The following MGAT4C variants were observed in gnomAD, a reference collection of about 807,000 sequenced individuals.
The protein encoded by MGAT4C is MGAT4 family member C, also known as alpha-1,3-mannosyl-glycoprotein 4-beta-N-acetylglucosaminyltransferase C.
A neutral mutation model predicts 40.1 loss-of-function variants in MGAT4C; 19 were observed. That is an observed-to-expected ratio of 0.47 (90% CI 0.33 to 0.70). The LOEUF is 0.70. Ranked by LOEUF, MGAT4C falls within the 30% of genes least tolerant of loss-of-function variation. The probability of loss-of-function intolerance (pLI) is 0.02; values close to 1 mark genes in which losing one functional copy is unlikely to be tolerated. For synonymous variants in MGAT4C, 181 were observed against 187.1 expected (o/e 0.97, Z 0.27); for missense variants, 491 against 563.2 (o/e 0.87, Z 1.30).
At chr12:86,017,709 A>G (rs544292274) in intron 2 of MGAT4C, among the ~76,000 whole-genome samples, 1 of 152,266 alleles carries the variant, frequency 6.6e-6, no homozygotes, top group African/African-American at 2.4e-5. Flanking sequence ...CACGCAATTT[A>G]GGGACAGATA....
chr12:86,817,867 A>G (rs1952634487), intron 1 of MGAT4C, among the ~76,000 whole-genome samples: 1 of 151,470 alleles, frequency 6.6e-6, no homozygotes, highest in African/African-American at 2.4e-5. Context: ...GTACACTAGG[A>G]TAGAGTGTGG....
At chr12:86,344,375 A>G (rs1057230303) in intron 3 of MGAT4C, among the ~76,000 whole-genome samples, 1 of 152,194 alleles carries the variant, frequency 6.6e-6, no homozygotes, top group Non-Finnish European at 1.5e-5. Context: ...GCGCTGAAGA[A>G]CTAAATAGAC....
intron 1 of MGAT4C, among the ~76,000 whole-genome samples, chr12:86,245,743 A>G (rs1951998515): frequency 6.6e-6 from 1 of 152,180 alleles, no homozygotes; most frequent in African/African-American, 2.4e-5. Context: ...TTTTCAAACT[A>G]TTTTGGAAAG....
intron 1 of MGAT4C, among the ~76,000 whole-genome samples, chr12:86,206,912 A>T (rs1450615972): frequency 6.6e-6 from 1 of 152,158 alleles, no homozygotes; most frequent in Non-Finnish European, 1.5e-5. Flanking sequence ...CTTCCTTTTT[A>T]ATAAACATTT....
rs1404346957 is a variant in MGAT4C, at chr12:86,307,112, T to C, written c.-57+26953A>G. On this transcript the variant is annotated intron_variant, in intron 4 of 7. Coordinates refer to the MGAT4C transcript ENST00000548651. Reference sequence around the variant, plus strand: ...ATTGATCCAGAGCCATTCATGATAATTCTTTAAAATAGAGATACTCTTTGA... The same window carrying C: ...ATTGATCCAGAGCCATTCATGATAACTCTTTAAAATAGAGATACTCTTTGA... Among the ~76,000 whole-genome samples the C allele has an allele frequency of 6.0e-5, 9 of 150,628 alleles. No individual in the cohort carries two copies. In the East Asian group the frequency reaches 1.8e-3, roughly 29 times the overall value.
chr12:86,506,189 GA>G (rs1322038303), intron 2 of MGAT4C, among the ~76,000 whole-genome samples: 4 of 152,266 alleles, frequency 2.6e-5, no homozygotes, highest in Admixed American at 2.6e-4. Context: ...GTGATTAAAC[GA>G]AAATTCATGT....
intron 2 of MGAT4C, among the ~76,000 whole-genome samples, chr12:86,446,392 C>A (rs1384987371): frequency 6.6e-6 from 1 of 151,490 alleles, no homozygotes; most frequent in African/African-American, 2.4e-5. Context: ...ACCATTATAG[C>A]ACAGATATTT....
chr12:86,697,546 C>A (rs868230380), intron 2 of MGAT4C, among the ~76,000 whole-genome samples: 1 of 151,934 alleles, frequency 6.6e-6, no homozygotes, highest in Non-Finnish European at 1.5e-5. Flanking sequence ...ATGTAATCAC[C>A]CAAAGGGTCT....
chr12:86,240,147 T>C (rs1431555728), intron 1 of MGAT4C, among the ~76,000 whole-genome samples: 1 of 151,270 alleles, frequency 6.6e-6, no homozygotes, highest in East Asian at 1.9e-4. Flanking sequence ...ATGTGCTTTG[T>C]TTTTCATTTC....
Position 85,992,336 on chromosome 12 carries a change from T to C in MGAT4C, c.-6-2784A>G, listed in dbSNP as rs573110831. On this transcript the variant is annotated intron_variant, in intron 2 of 4. Coordinates refer to ENST00000611864, the MANE Select transcript of MGAT4C (RefSeq NM_001351288.2). ...CTTTCATGCATATCTAGCTGTCACATAGGACTGAAAGGAAATCTTGGGGCA... is the reference window on the plus strand; with the variant it reads ...CTTTCATGCATATCTAGCTGTCACACAGGACTGAAAGGAAATCTTGGGGCA... Among the ~76,000 whole-genome samples the C allele has an allele frequency of 7.2e-5, 11 of 152,264 alleles. No homozygotes were observed. The South Asian group carries it at 2.1e-3, about 29-fold the overall frequency.
chr12:86,216,373 C>A (rs1318084750), intron 1 of MGAT4C, among the ~76,000 whole-genome samples: 1 of 152,060 alleles, frequency 6.6e-6, no homozygotes, highest in African/African-American at 2.4e-5. Context: ...CTACAGAAGG[C>A]AAATGAAGAA....
chr12:86,296,733 C>T (rs570504400), intron 4 of MGAT4C, among the ~76,000 whole-genome samples: 4 of 152,316 alleles, frequency 2.6e-5, no homozygotes, highest in South Asian at 2.1e-4. Context: ...CCAGCTGGCC[C>T]GCAAGCGCTG....
At chr12:86,308,228 A>T (rs540918304) in intron 4 of MGAT4C, among the ~76,000 whole-genome samples, 7 of 150,732 alleles carry the variant, frequency 4.6e-5, no homozygotes, top group Admixed American at 3.3e-4. Flanking sequence ...GAAATATCTT[A>T]AAAAATTTGA....
At chr12:86,661,150 G>C (rs1963971173) in intron 2 of MGAT4C, among the ~76,000 whole-genome samples, 1 of 151,714 alleles carries the variant, frequency 6.6e-6, no homozygotes, top group Non-Finnish European at 1.5e-5. Context: ...CATCACTGTA[G>C]TCACAGTTGT....
chr12:86,088,206 A>G (rs1052208823), intron 1 of MGAT4C, among the ~76,000 whole-genome samples: 2 of 152,008 alleles, frequency 1.3e-5, no homozygotes, highest in Admixed American at 6.6e-5. Flanking sequence ...TCCTTATAGC[A>G]TATACAGAAA....
At chr12:86,116,798 G>T (rs1878504360) in intron 1 of MGAT4C, among the ~76,000 whole-genome samples, 1 of 152,082 alleles carries the variant, frequency 6.6e-6, no homozygotes, top group South Asian at 2.1e-4. Flanking sequence ...ATAACATACA[G>T]GATGATTTCA....
intron 1 of MGAT4C, among the ~76,000 whole-genome samples, chr12:86,768,329 C>T (rs1390593010): frequency 2.0e-5 from 3 of 152,120 alleles, no homozygotes; most frequent in African/African-American, 7.2e-5. Context: ...AGGACCTCTT[C>T]AAGGAGAACA....
intron 1 of MGAT4C, among the ~76,000 whole-genome samples, chr12:86,082,005 GA>G (rs1288249241): frequency 6.6e-6 from 1 of 152,160 alleles, no homozygotes; most frequent in Non-Finnish European, 1.5e-5. Flanking sequence ...ACTGTCTAGG[GA>G]CCCCTTGCCC....
chr12:85,956,566 T>G lies in MGAT4C; in HGVS notation c.*22723A>C, dbSNP rs1239103984. The G allele has an allele frequency of 1.3e-5, 2 of 152,314 alleles. No individual in the cohort carries two copies. Among genetic ancestry groups the G allele is most frequent in the Non-Finnish European group, 2.9e-5 (2 of 68,018 alleles). The allele number at this position is 152,314 out of a possible 1,614,324, so 9.4% of individuals were successfully genotyped here. On this transcript the variant is annotated 3_prime_UTR_variant, in exon 5 of 5. Transcript: ENST00000611864. ...ATCATTTTTTGGATTACATTTAGTC[T>G]TTAGAAAATATTTGATTCAATCAAA...
Sources: allele counts gnomAD v4.1 joint callset (sites outside exome capture counted in the v4.1 genomes callset), GRCh38; gene constraint gnomAD v4.1.1; transcripts MANE v1.5; gene names NCBI Gene and HGNC (gene_info 2026-07-23, HGNC 2026-07-21).